Variants in NOVA1 observed in about 807,000 individuals in gnomAD.
The protein encoded by NOVA1 is RNA-binding protein Nova-1.
Under a neutral mutation model 38.0 loss-of-function variants are expected in NOVA1, and 7 were observed. The observed-to-expected ratio is 0.18, with a 90% CI of 0.10 to 0.35. NOVA1 has a LOEUF of 0.35. NOVA1 is among the 10% of genes least tolerant of loss of function. The pLI is 1.00. For missense variants in NOVA1, 460 were observed against 616.0 expected (o/e 0.75, Z 2.68); for synonymous variants, 270 against 232.5 (o/e 1.16, Z -1.47).
chr14:26,514,902 A>G (rs1888352725), intron 2 of NOVA1, among the ~76,000 whole-genome samples: 1 of 151,892 alleles, frequency 6.6e-6, no homozygotes, highest in Non-Finnish European at 1.5e-5. Flanking sequence ...CCACATCCCA[A>G]TAGTATATTT....
intron 2 of NOVA1, among the ~76,000 whole-genome samples, chr14:26,507,891 CA>C (rs1169687955): frequency 6.6e-6 from 1 of 151,366 alleles, no homozygotes; most frequent in Non-Finnish European, 1.5e-5. Flanking sequence ...ACAACAAAAA[CA>C]AAAACAAAAC....
intron 2 of NOVA1, among the ~76,000 whole-genome samples, chr14:26,572,473 G>T (rs1408648009): frequency 6.6e-6 from 1 of 152,136 alleles, no homozygotes; most frequent in Non-Finnish European, 1.5e-5. Flanking sequence ...CATACAGATT[G>T]AGCATCTACT....
intron 2 of NOVA1, among the ~76,000 whole-genome samples, chr14:26,525,388 A>G (rs1157268032): frequency 6.6e-6 from 1 of 152,124 alleles, no homozygotes; most frequent in Non-Finnish European, 1.5e-5. Context: ...GCCTTATGTT[A>G]AGACACAAAT....
intron 2 of NOVA1, among the ~76,000 whole-genome samples, chr14:26,582,297 C>T (rs901106701): frequency 6.6e-6 from 1 of 151,776 alleles, no homozygotes; most frequent in African/African-American, 2.4e-5. Context: ...GCAGTATCTA[C>T]TTATTTTTAA....
chr14:26,591,107 C>T (rs1893816550), intron 2 of NOVA1, among the ~76,000 whole-genome samples: 1 of 151,338 alleles, frequency 6.6e-6, no homozygotes, highest in South Asian at 2.1e-4. Context: ...CAGTAATGTT[C>T]CTTCATATGT....
intron 2 of NOVA1, among the ~76,000 whole-genome samples, chr14:26,526,858 G>C (rs1334086049): frequency 6.6e-6 from 1 of 152,176 alleles, no homozygotes; most frequent in African/African-American, 2.4e-5. Flanking sequence ...CCAGTGATGT[G>C]TATGTTATTA....
intron 2 of NOVA1, among the ~76,000 whole-genome samples, chr14:26,523,349 A>T (rs1198032401): frequency 2.6e-5 from 4 of 152,244 alleles, no homozygotes; most frequent in Non-Finnish European, 5.9e-5. Flanking sequence ...TGCATAACAC[A>T]ATACTGTGCC....
intron 2 of NOVA1, among the ~76,000 whole-genome samples, chr14:26,485,665 T>C (rs80288353): frequency 6.6e-6 from 1 of 152,176 alleles, no homozygotes; most frequent in Admixed American, 6.5e-5. Context: ...TGCTAATGAT[T>C]TGATCCACAT....
intron 2 of NOVA1, among the ~76,000 whole-genome samples, chr14:26,548,534 G>C (rs1890959865): frequency 1.3e-5 from 2 of 151,912 alleles, no homozygotes; most frequent in African/African-American, 4.8e-5. Context: ...GAGATAAAAT[G>C]TCATACTATT....
intron 4 of NOVA1, among the ~76,000 whole-genome samples, chr14:26,449,680 G>T (rs116199747): frequency 0.012 from 1,861 of 152,032 alleles, 30 homozygotes; most frequent in African/African-American, 0.041. Context: ...TTACCTAGCT[G>T]CACTATCTAT....
chr14:26,573,400 A>C (rs1892612135), intron 2 of NOVA1, among the ~76,000 whole-genome samples: 1 of 152,134 alleles, frequency 6.6e-6, no homozygotes, highest in African/African-American at 2.4e-5. Context: ...AAGGGAGAGA[A>C]AGTGACCACA....
chr14:26,532,892 T>C (rs547084426), intron 2 of NOVA1, among the ~76,000 whole-genome samples: 2 of 152,316 alleles, frequency 1.3e-5, no homozygotes, highest in South Asian at 4.1e-4. Flanking sequence ...ACATCATAAA[T>C]AAAATGTGAT....
At chr14:26,460,743 G>T (rs965762811) in intron 4 of NOVA1, among the ~76,000 whole-genome samples, 3 of 152,008 alleles carry the variant, frequency 2.0e-5, no homozygotes, top group Non-Finnish European at 2.9e-5. Context: ...AAACGAGAAG[G>T]TATCAAACTC....
chr14:26,483,151 A>C (rs549380482), intron 2 of NOVA1, among the ~76,000 whole-genome samples: 34 of 152,320 alleles, frequency 2.2e-4, no homozygotes, highest in African/African-American at 7.7e-4. Context: ...CAGGTTTCTA[A>C]AATTACATAC....
intron 4 of NOVA1, among the ~76,000 whole-genome samples, chr14:26,467,741 A>C (rs549171165): frequency 2.6e-5 from 4 of 152,304 alleles, no homozygotes; most frequent in African/African-American, 9.6e-5. Flanking sequence ...TACCTATAGT[A>C]ATTGATGAGA....
chr14:26,512,075 G>C (rs1888138029), intron 2 of NOVA1, among the ~76,000 whole-genome samples: 1 of 151,950 alleles, frequency 6.6e-6, no homozygotes, highest in Non-Finnish European at 1.5e-5. Context: ...ACCATATTCT[G>C]GGAAATACTG....
intron 2 of NOVA1, among the ~76,000 whole-genome samples, chr14:26,548,465 C>G (rs1355741048): frequency 6.6e-6 from 1 of 151,916 alleles, no homozygotes; most frequent in Non-Finnish European, 1.5e-5. Flanking sequence ...GATTAAGACT[C>G]TGTGAAGTTT....
intron 2 of NOVA1, among the ~76,000 whole-genome samples, chr14:26,552,276 G>A (rs909499587): frequency 3.9e-5 from 6 of 152,098 alleles, no homozygotes; most frequent in Non-Finnish European, 8.8e-5. Flanking sequence ...TAAGAACCAC[G>A]GAGAGAAGAA....
intron 2 of NOVA1, among the ~76,000 whole-genome samples, chr14:26,523,100 T>G (rs1288452109): frequency 1.3e-5 from 2 of 152,186 alleles, no homozygotes; most frequent in Non-Finnish European, 2.9e-5. Context: ...TCAGTAAAGT[T>G]TATTTTCTCT....
Sources: gnomAD v4.1 joint callset for allele counts (sites outside exome capture counted in the v4.1 genomes callset) on GRCh38, gnomAD v4.1.1 for gene constraint, MANE v1.5 for transcripts, NCBI Gene and HGNC (gene_info 2026-07-23, HGNC 2026-07-21) for gene names.